The following SCN11A variants were observed in gnomAD, a reference collection of about 807,000 sequenced individuals.
SCN11A encodes sodium channel protein type 11 subunit alpha.
SCN11A carries 122 observed loss-of-function variants against 162.2 expected under a neutral mutation model. The ratio of observed to expected loss-of-function variants is 0.75; its 90% CI spans 0.65 to 0.87. SCN11A has a LOEUF of 0.87. SCN11A is among the 40% of genes least tolerant of loss of function. The pLI is 0.00. For synonymous variants in SCN11A, 758 were observed against 751.5 expected, an observed-to-expected ratio of 1.01 and a Z score of -0.14; for missense variants, 2,015 against 2,181.6, an observed-to-expected ratio of 0.92 and a Z score of 1.52.
chr3:38,932,248 G>A (rs1035932817), intron 7 of SCN11A, among the ~76,000 whole-genome samples: 3 of 152,212 alleles, frequency 2.0e-5, no homozygotes, highest in Admixed American at 1.3e-4. Flanking sequence ...GAGCCAAGAT[G>A]GCCGAATAGG....
At chr3:38,989,700 C>T (rs1466369454) in intron 2 of SCN11A, among the ~76,000 whole-genome samples, 1 of 152,188 alleles carries the variant, frequency 6.6e-6, no homozygotes, top group Non-Finnish European at 1.5e-5. Flanking sequence ...CTCTGAACTT[C>T]AGTTTTTCCT....
chr3:38,878,168 T>TAATTAATA lies in SCN11A; in HGVS notation c.3393+1781_3393+1782insTATTAATT, dbSNP rs1553634654. On this transcript the variant is annotated intron_variant, in intron 23 of 29. Coordinates refer to ENST00000302328, the MANE Select transcript of SCN11A (RefSeq NM_001349253.2). ...TGTTCCCTGAAAGCCTATTGAAATA[T>TAATTAATA]AATAAATAAATAAATAAATAAATAA... Among the ~76,000 whole-genome samples, 676 of 148,380 alleles carry TAATTAATA rather than the reference T, an allele frequency of 4.6e-3. 2 individuals carry two copies. The highest frequency in any genetic ancestry group is 5.4e-3 in the Non-Finnish European group (365 of 67,064).
chr3:38,856,108 C>T (rs1294520615), intron 28 of SCN11A, among the ~76,000 whole-genome samples: 1 of 152,224 alleles, frequency 6.6e-6, no homozygotes, highest in Non-Finnish European at 1.5e-5. Context: ...TAGTTTCTCA[C>T]AGCAGAAACA....
At chr3:38,906,379 C>T (rs1052970228) in intron 14 of SCN11A, among the ~76,000 whole-genome samples, 42 of 152,050 alleles carry the variant, frequency 2.8e-4, no homozygotes, top group Admixed American at 2.6e-3. Context: ...CTGCACATCA[C>T]GCTGCCTAAT....
chr3:38,881,542 A>T (rs74833943), intron 22 of SCN11A, among the ~76,000 whole-genome samples: 3 of 152,254 alleles, frequency 2.0e-5, no homozygotes, highest in East Asian at 3.9e-4. Context: ...TTTCTGACAC[A>T]GGAAGCTCTT....
intron 7 of SCN11A, among the ~76,000 whole-genome samples, chr3:38,934,537 A>T (rs2066297722): frequency 6.6e-6 from 1 of 152,188 alleles, no homozygotes; most frequent in Non-Finnish European, 1.5e-5. Flanking sequence ...AGGAAGATCT[A>T]CCAAGCAAAT....
intron 26 of SCN11A, 28 bp from the exon 27 acceptor site, chr3:38,867,486 A>T: frequency 6.4e-7 from 1 of 1,560,450 alleles, no homozygotes; most frequent in Non-Finnish European, 8.7e-7. Flanking sequence ...AATAAGAGAA[A>T]AAAACAATTA....
In SCN11A at chr3:38,886,352, A is replaced by T. The variant is rs1025553676; in HGVS notation, c.2836-114T>A. On this transcript the variant is annotated intron_variant, in intron 19 of 29. Coordinates refer to ENST00000302328, the MANE Select transcript of SCN11A (RefSeq NM_001349253.2). ...TTTGTCATGAGAATAAGCCTTTGAC[A>T]TTATTACTCTTTTTTCTCTTTAGAA... 15 of 573,792 alleles carry T rather than the reference A, an allele frequency of 2.6e-5. No individual in the cohort carries two copies. In the African/African-American group the frequency reaches 2.8e-4, roughly 11 times the overall value. The allele number at this position is 573,792 out of a possible 1,614,324, so 35.5% of individuals were successfully genotyped here.
chr3:38,847,638 G>A lies in SCN11A; in HGVS notation c.4432C>T (p.Arg1478Trp), dbSNP rs868074183. ...ARIGRILRLVRAARGIRTLLF... is the reference protein window; with the variant it reads ...ARIGRILRLVWAARGIRTLLF... ...AGAGTCCTGATTCCTCGTGCAGCCC[G>A]GACAAGCCTCAGGATTCGGCCAATC... The change falls in exon 30 of 30, where the codon CGG becomes TGG. Residue 1478 changes from arginine (R) to tryptophan (W), a missense_variant. Physicochemically the swap from Arg to Trp is moderately radical, Grantham distance 101. Transcript: ENST00000302328. 10 of 1,613,922 alleles carry A rather than the reference G, an allele frequency of 6.2e-6. No individual in the cohort carries two copies. The East Asian group carries it at 6.7e-5, about 11-fold the overall frequency.
intron 2 of SCN11A, among the ~76,000 whole-genome samples, chr3:38,972,975 T>A (rs2066825323): frequency 6.6e-6 from 1 of 152,142 alleles, no homozygotes; most frequent in Non-Finnish European, 1.5e-5. Context: ...ACACAAAATG[T>A]TTACATGAAA....
chr3:38,904,142 G>A (rs757356104), intron 15 of SCN11A, 39 bp from the exon 16 acceptor site: 1 of 1,377,442 alleles, frequency 7.3e-7, no homozygotes, highest in Admixed American at 2.4e-5. Context: ...AGTTAGCTCT[G>A]AAGCAATCCA....
At position 38,867,423 on chromosome 3, in the gene SCN11A, G is replaced by A. The variant is rs753000639; in HGVS notation, c.3849C>T (p.Leu1283=). 2.5e-5 allele frequency: 40 copies of A among 1,612,676 alleles called. No individual in the cohort carries two copies. The South Asian group carries it at 3.0e-4, about 12-fold the overall frequency. ...TAAAGACTACGAAGTAAATGTAACC[G>A]AGTGAATTGCTCTCAAACTCTGGCT... ...EQQPEFESNS[L]GYIYFVVFII... The change falls in exon 27 of 30, where the codon CTC becomes CTT. Residue 1283 remains leucine (L), a synonymous_variant. Coordinates refer to ENST00000302328, the MANE Select transcript of SCN11A (RefSeq NM_001349253.2).
rs1290439529 is a variant in SCN11A at position 38,898,378 on chromosome 3, T to C, written c.2023-1153A>G. Reference sequence around the variant, plus strand: ...TTTTGAAAGTCTATGGCTTCTTTTGTGCTACAATGGCAAAGTTTAACGGTT... The same window carrying C: ...TTTTGAAAGTCTATGGCTTCTTTTGCGCTACAATGGCAAAGTTTAACGGTT... On this transcript the variant is annotated intron_variant, in intron 17 of 29. Coordinates refer to ENST00000302328, the MANE Select transcript of SCN11A (RefSeq NM_001349253.2). Among the ~76,000 whole-genome samples the C allele has an allele frequency of 2.6e-5, 4 of 152,368 alleles. No homozygotes were observed. In the South Asian group the frequency reaches 8.3e-4, roughly 32 times the overall value.
chr3:38,966,104 T>C (rs987810908), intron 2 of SCN11A, among the ~76,000 whole-genome samples: 1 of 152,246 alleles, frequency 6.6e-6, no homozygotes, highest in Non-Finnish European at 1.5e-5. Context: ...GTTCAGAAGT[T>C]GCAGCGCTGG....
chr3:38,919,306 T>C (rs1026124371), intron 11 of SCN11A, among the ~76,000 whole-genome samples: 3 of 152,244 alleles, frequency 2.0e-5, no homozygotes, highest in Non-Finnish European at 4.4e-5. Flanking sequence ...ATTCTTGTTA[T>C]CTATTTGTAA....
At chr3:38,878,534 T>A (rs140058927) in intron 23 of SCN11A, among the ~76,000 whole-genome samples, 33 of 152,176 alleles carry the variant, frequency 2.2e-4, no homozygotes, top group Non-Finnish European at 4.9e-4. Flanking sequence ...AGGGTTTTCT[T>A]TTTACTATAA....
intron 2 of SCN11A, among the ~76,000 whole-genome samples, chr3:39,001,805 T>C (rs1161051472): frequency 6.6e-6 from 1 of 151,992 alleles, no homozygotes; most frequent in Non-Finnish European, 1.5e-5. Flanking sequence ...GAGGCCAAGG[T>C]GGGCGGATCA....
chr3:39,041,386 C>T (rs2032045952), intron 1 of SCN11A, among the ~76,000 whole-genome samples: 1 of 152,260 alleles, frequency 6.6e-6, no homozygotes, highest in African/African-American at 2.4e-5. Flanking sequence ...CCAAAAAAGT[C>T]CTCTCTGAAG....
intron 28 of SCN11A, among the ~76,000 whole-genome samples, chr3:38,857,640 G>A (rs766115215): frequency 7.2e-5 from 11 of 151,998 alleles, no homozygotes; most frequent in South Asian, 4.1e-4. Flanking sequence ...TAAGAAGCTC[G>A]AAGAACTTCT....
Sources: gnomAD v4.1 joint callset for allele counts (sites outside exome capture counted in the v4.1 genomes callset) on GRCh38, gnomAD v4.1.1 for gene constraint, MANE v1.5 for transcripts, NCBI Gene and HGNC (gene_info 2026-07-23, HGNC 2026-07-21) for gene names.